CAMKMT: variants seen among roughly 807,000 people sequenced by gnomAD.
CAMKMT encodes CaM KMT.
CAMKMT carries 53 observed loss-of-function variants against 48.0 expected under a neutral mutation model. The observed-to-expected ratio is 1.10, with a 90% CI of 0.89 to 1.39. The LOEUF is 1.39. Ranked by LOEUF, CAMKMT falls within the 40% of genes most tolerant of loss-of-function variation. The pLI, the probability that CAMKMT is intolerant of heterozygous loss-of-function variation, is 0.00. For missense variants in CAMKMT, 428 were observed against 402.7 expected (o/e 1.06, Z -0.54); for synonymous variants, 165 against 152.3 (o/e 1.08, Z -0.61).
chr2:44,724,686 T>G (rs192213633), intron 7 of CAMKMT, among the ~76,000 whole-genome samples: 1 of 152,234 alleles, frequency 6.6e-6, no homozygotes, highest in Non-Finnish European at 1.5e-5. Context: ...CACATTGGAC[T>G]CTGAATTTCT....
chr2:44,701,545 TC>T (rs1277640121), intron 3 of CAMKMT, among the ~76,000 whole-genome samples: 1 of 152,184 alleles, frequency 6.6e-6, no homozygotes, highest in Non-Finnish European at 1.5e-5. Flanking sequence ...TGACCAGATA[TC>T]CCATTTCCTA....
chr2:44,623,910 TG>T (rs1486648595), intron 3 of CAMKMT, among the ~76,000 whole-genome samples: 1 of 152,222 alleles, frequency 6.6e-6, no homozygotes, highest in Non-Finnish European at 1.5e-5. Context: ...ATTTTATGGA[TG>T]CCTTTTTTCC....
At chr2:44,705,325 A>G (rs544183289) in intron 4 of CAMKMT, 14 of 984,732 alleles carry the variant, frequency 1.4e-5, no homozygotes, top group African/African-American at 1.7e-5. Context: ...GAGGTAATAA[A>G]CTTCCCAAAC....
At chr2:44,369,184 A>G (rs545397848) in intron 1 of CAMKMT, among the ~76,000 whole-genome samples, 2 of 152,286 alleles carry the variant, frequency 1.3e-5, no homozygotes, top group South Asian at 2.1e-4. Flanking sequence ...ATGCCTGAAC[A>G]AGACCCTGCT....
At chr2:44,549,583 T>C (rs1282551804) in intron 3 of CAMKMT, 1 of 689,950 alleles carries the variant, frequency 1.4e-6, no homozygotes, top group East Asian at 2.7e-5. Context: ...TTGCCCAGGC[T>C]GGAGTGCAGT....
At chr2:44,405,769 G>T (rs1465980172) in intron 3 of CAMKMT, among the ~76,000 whole-genome samples, 1 of 152,108 alleles carries the variant, frequency 6.6e-6, no homozygotes, top group African/African-American at 2.4e-5. Flanking sequence ...TGATGAATTA[G>T]ATCATAATTT....
intron 3 of CAMKMT, 23 bp from the exon 4 acceptor site, chr2:44,704,260 G>C (rs924791034): frequency 1.1e-5 from 17 of 1,600,786 alleles, no homozygotes; most frequent in Non-Finnish European, 1.4e-5. Context: ...TAATCAAAAG[G>C]TTTATCCTCT....
At chr2:44,438,581 T>C (rs1408034453) in intron 3 of CAMKMT, among the ~76,000 whole-genome samples, 1 of 152,218 alleles carries the variant, frequency 6.6e-6, no homozygotes, top group Non-Finnish European at 1.5e-5. Context: ...GTTAGGCTCT[T>C]AATGCAGTAT....
chr2:44,606,004 C>T (rs1293522304), intron 3 of CAMKMT, among the ~76,000 whole-genome samples: 1 of 151,970 alleles, frequency 6.6e-6, no homozygotes, highest in Non-Finnish European at 1.5e-5. Flanking sequence ...GTTCATGAAC[C>T]ATTTGAATAA....
At chr2:44,432,875 T>G (rs1242405497) in intron 3 of CAMKMT, among the ~76,000 whole-genome samples, 2 of 152,070 alleles carry the variant, frequency 1.3e-5, no homozygotes, top group African/African-American at 2.4e-5. Flanking sequence ...ATTCTTTTAC[T>G]AAGATGTTAC....
rs34507580 is a variant in CAMKMT at position 44,743,706 on chromosome 2, TA to T, written c.698+15del. Reference sequence around the variant, plus strand: ...TTATGTGTGCTGACTGGTAAGTACATAAAAATCACAAAACTCCTGTTAGAAA... The same window carrying T: ...TTATGTGTGCTGACTGGTAAGTACATAAAATCACAAAACTCCTGTTAGAAA... On this transcript the variant is annotated intron_variant, in intron 8 of 10. Coordinates refer to ENST00000378494, the MANE Select transcript of CAMKMT (RefSeq NM_024766.5). 1.2e-6 allele frequency: 2 copies of T among 1,602,732 alleles called. No homozygotes were observed. The highest frequency in any genetic ancestry group is 2.2e-5 in the East Asian group (1 of 44,780).
chr2:44,384,981 A>G (rs976943028), intron 2 of CAMKMT, among the ~76,000 whole-genome samples: 1 of 152,104 alleles, frequency 6.6e-6, no homozygotes, highest in Non-Finnish European at 1.5e-5. Context: ...TTGGTTCCAT[A>G]TAAATTTTAG....
intron 3 of CAMKMT, among the ~76,000 whole-genome samples, chr2:44,415,852 A>G (rs1410414354): frequency 6.6e-6 from 1 of 152,156 alleles, no homozygotes; most frequent in Non-Finnish European, 1.5e-5. Context: ...TCTAACCCCT[A>G]CACACTAAAT....
intron 3 of CAMKMT, among the ~76,000 whole-genome samples, chr2:44,531,572 C>T (rs779194736): frequency 5.9e-5 from 9 of 152,060 alleles, no homozygotes; most frequent in Non-Finnish European, 1.2e-4. Flanking sequence ...GTCATGGGAG[C>T]CAATACTTTG....
chr2:44,363,664 G>C (rs1678249785), intron 1 of CAMKMT, among the ~76,000 whole-genome samples: 1 of 148,422 alleles, frequency 6.7e-6, no homozygotes, highest in Non-Finnish European at 1.5e-5. Context: ...ACAGGCATGA[G>C]CCACCGTGCC....
At chr2:44,457,698 C>G (rs142137630) in intron 3 of CAMKMT, among the ~76,000 whole-genome samples, 124 of 152,128 alleles carry the variant, frequency 8.2e-4, no homozygotes, top group African/African-American at 2.9e-3. Context: ...GTGCCCGGCC[C>G]TTAAGTCATA....
chr2:44,498,911 T>C (rs1463249958), intron 3 of CAMKMT, among the ~76,000 whole-genome samples: 1 of 152,114 alleles, frequency 6.6e-6, no homozygotes, highest in African/African-American at 2.4e-5. Context: ...TTTGTGGTAA[T>C]GGCGGGGGTT....
At chr2:44,511,022 G>C (rs530815353) in intron 3 of CAMKMT, among the ~76,000 whole-genome samples, 48 of 152,012 alleles carry the variant, frequency 3.2e-4, no homozygotes, top group African/African-American at 1.2e-3. Context: ...TGTATTTTTA[G>C]TAGAGACGGG....
At chr2:44,450,014 T>A (rs1432505558) in intron 3 of CAMKMT, among the ~76,000 whole-genome samples, 1 of 152,190 alleles carries the variant, frequency 6.6e-6, no homozygotes, top group African/African-American at 2.4e-5. Flanking sequence ...ACTTGAATGC[T>A]TCAACTTGAG....
Sources: gnomAD v4.1 joint callset for allele counts (sites outside exome capture counted in the v4.1 genomes callset) on GRCh38, gnomAD v4.1.1 for gene constraint, MANE v1.5 for transcripts, NCBI Gene and HGNC (gene_info 2026-07-23, HGNC 2026-07-21) for gene names.